Variants in FANCL observed in about 807,000 individuals in gnomAD.
FANCL encodes the protein E3 ubiquitin-protein ligase FANCL.
A neutral mutation model predicts 59.4 loss-of-function variants in FANCL; 69 were observed. That is an observed-to-expected ratio of 1.16 (90% CI 0.96 to 1.42). The LOEUF is 1.42. Ranked by LOEUF, FANCL falls within the 40% of genes most tolerant of loss-of-function variation. The pLI, the probability that FANCL is intolerant of heterozygous loss-of-function variation, is 0.00. For synonymous variants in FANCL, 180 were observed against 147.1 expected, an observed-to-expected ratio of 1.22 and a Z score of -1.62; for missense variants, 519 against 447.2, an observed-to-expected ratio of 1.16 and a Z score of -1.45.
At chr2:58,210,332 A>G (rs1691006891) in intron 5 of FANCL, among the ~76,000 whole-genome samples, 1 of 152,192 alleles carries the variant, frequency 6.6e-6, no homozygotes, top group East Asian at 1.9e-4. Context: ...AGACAGAATA[A>G]GGAAGATGCA....
At chr2:58,216,570 T>G (rs1691743748) in intron 5 of FANCL, among the ~76,000 whole-genome samples, 1 of 152,192 alleles carries the variant, frequency 6.6e-6, no homozygotes, top group Non-Finnish European at 1.5e-5. Context: ...GATTTTACAT[T>G]TTTTGTTACA....
At chr2:58,235,897 GA>G (rs1179639629) in intron 1 of FANCL, among the ~76,000 whole-genome samples, 2 of 151,666 alleles carry the variant, frequency 1.3e-5, no homozygotes, top group African/African-American at 4.8e-5. Flanking sequence ...CCTTACAAAA[GA>G]AGGTATTAGT....
chr2:58,186,537 A>T (rs187908443), intron 7 of FANCL, among the ~76,000 whole-genome samples: 2 of 152,208 alleles, frequency 1.3e-5, no homozygotes, highest in East Asian at 3.8e-4. Flanking sequence ...ATTGTAGTCA[A>T]TGGTAGCTAT....
At chr2:58,194,524 A>G (rs6709203) in intron 7 of FANCL, among the ~76,000 whole-genome samples, 3,006 of 152,272 alleles carry the variant, frequency 0.02, 114 homozygotes, top group African/African-American at 0.069. Flanking sequence ...AAATATCTAG[A>G]AAGAGGTGCT....
At chr2:58,215,907 A>C (rs1193742978) in intron 5 of FANCL, among the ~76,000 whole-genome samples, 3 of 151,902 alleles carry the variant, frequency 2.0e-5, no homozygotes, top group Non-Finnish European at 4.4e-5. Flanking sequence ...AATGAAAAAC[A>C]AGATTTAGAA....
intron 5 of FANCL, among the ~76,000 whole-genome samples, chr2:58,205,653 T>G (rs1573705852): frequency 6.6e-6 from 1 of 152,130 alleles, no homozygotes; most frequent in East Asian, 1.9e-4. Flanking sequence ...AGGAATAGTA[T>G]TAATTGAAGC....
At chr2:58,161,768 G>GA in intron 11 of FANCL, 130 bp from the exon 12 acceptor site, 1 of 666,704 alleles carries the variant, frequency 1.5e-6, no homozygotes, top group Non-Finnish European at 2.7e-6. Flanking sequence ...GGATAATTAA[G>GA]ATATTCATCA....
rs905229004 is a variant in FANCL, at chr2:58,214,172, T to C, written c.374+7770A>G. Among the ~76,000 whole-genome samples the C allele has an allele frequency of 2.6e-5, 4 of 152,098 alleles. No homozygotes were observed. The East Asian group carries it at 7.7e-4, about 29-fold the overall frequency. ...AAACAACAGTCCCAGTATGTAACAA[T>C]CTTAGTGAAAAAAGGAGGCAATTAT... On this transcript the variant is annotated intron_variant, in intron 5 of 13. Coordinates refer to ENST00000233741, the MANE Select transcript of FANCL (RefSeq NM_018062.4).
intron 7 of FANCL, among the ~76,000 whole-genome samples, chr2:58,173,326 C>T (rs1190213147): frequency 1.3e-5 from 2 of 152,108 alleles, no homozygotes; most frequent in Non-Finnish European, 1.5e-5. Flanking sequence ...CTCCAAGACA[C>T]ATAATTGTCA....
chr2:58,188,630 G>A (rs1351022410), intron 7 of FANCL, among the ~76,000 whole-genome samples: 2 of 151,754 alleles, frequency 1.3e-5, no homozygotes, highest in South Asian at 2.1e-4. Flanking sequence ...TTGTAGAGAC[G>A]AGGTTTCACC....
intron 5 of FANCL, among the ~76,000 whole-genome samples, chr2:58,207,926 G>C (rs1690754327): frequency 1.3e-5 from 2 of 152,132 alleles, no homozygotes; most frequent in Admixed American, 1.3e-4. Flanking sequence ...CGTCATGGTG[G>C]CGTGCACCTG....
chr2:58,218,185 C>T (rs763515392), intron 5 of FANCL, among the ~76,000 whole-genome samples: 65 of 151,894 alleles, frequency 4.3e-4, no homozygotes, highest in Admixed American at 3.3e-4. Context: ...TACAAATTTA[C>T]AGCCTTAAAT....
At position 58,159,384 on chromosome 2, in the gene FANCL, T is replaced by C; in HGVS notation, c.*381A>G. 6.2e-7 allele frequency: 1 copy of C among 1,612,498 alleles called. No homozygotes were observed. ...GGAGAAGACAGAAATATCAAGAGTC[T>C]CAAGAACCTTTGAATGAAGTAAACA... is the stretch of plus-strand genomic sequence containing the variant. On this transcript the variant is annotated 3_prime_UTR_variant, in exon 14 of 14. Coordinates refer to ENST00000233741, the MANE Select transcript of FANCL (RefSeq NM_018062.4).
In FANCL at chr2:58,162,875, C is replaced by A. The variant is rs373364584; in HGVS notation, c.894G>T (p.Leu298=). The change falls in exon 11 of 14, where the codon CTG becomes CTT. Residue 298 remains leucine, a synonymous_variant. Coordinates refer to ENST00000233741, the MANE Select transcript of FANCL (RefSeq NM_018062.4). ...LEIDFPARAI[L]EKSDFTMDCG... ...CACTGATAAAACTTACAGATTTTTCCAGGATAGCACGAGCTGGAAAATCAA... is the reference window on the plus strand; with the variant it reads ...CACTGATAAAACTTACAGATTTTTCAAGGATAGCACGAGCTGGAAAATCAA... 22 of 1,611,728 alleles carry A rather than the reference C, an allele frequency of 1.4e-5. No individual in the cohort carries two copies. The highest frequency in any genetic ancestry group is 1.8e-5 in the Non-Finnish European group (21 of 1,178,582).
intron 7 of FANCL, among the ~76,000 whole-genome samples, chr2:58,182,961 G>A (rs1415014387): frequency 6.6e-6 from 1 of 151,704 alleles, no homozygotes; most frequent in Non-Finnish European, 1.5e-5. Flanking sequence ...TTTGTAATAC[G>A]GAAATAGTGT....
rs864622189 is a variant in FANCL at position 58,163,516 on chromosome 2, A to G, written c.693T>C (p.Gly231=). The part of the protein sequence containing the change: ...RSATARRIAL[G]NNVSINIEVD... ...CCTCTATATTTATGGAAACATTATT[A>G]CCTAGAATGAAACAAGATTAAATCT... is the stretch of plus-strand genomic sequence containing the variant. Residue 231 remains glycine, a splice_region_variant and synonymous_variant, in exon 9 of 14, where the codon GGT becomes GGC. Coordinates refer to ENST00000233741, the MANE Select transcript of FANCL (RefSeq NM_018062.4). 1 of 1,571,680 alleles carries G rather than the reference A, an allele frequency of 6.4e-7. No individual in the cohort carries two copies. The highest frequency in any genetic ancestry group is 8.8e-7 in the Non-Finnish European group (1 of 1,141,926).
At chr2:58,191,397 A>G (rs1320538502) in intron 7 of FANCL, among the ~76,000 whole-genome samples, 1 of 151,900 alleles carries the variant, frequency 6.6e-6, no homozygotes, top group African/African-American at 2.4e-5. Flanking sequence ...ACTCCAAACC[A>G]TAACATTAAG....
intron 7 of FANCL, among the ~76,000 whole-genome samples, chr2:58,181,491 T>C (rs1401746900): frequency 6.6e-6 from 1 of 152,008 alleles, no homozygotes. Context: ...ACTTAAGATT[T>C]ATGCACTTTA....
chr2:58,215,159 C>T (rs554568131), intron 5 of FANCL, among the ~76,000 whole-genome samples: 2 of 152,242 alleles, frequency 1.3e-5, no homozygotes, highest in African/African-American at 4.8e-5. Context: ...CAATCTATAC[C>T]TAAAGAATGA....
Sources: gnomAD v4.1 joint callset for allele counts (sites outside exome capture counted in the v4.1 genomes callset) on GRCh38, gnomAD v4.1.1 for gene constraint, MANE v1.5 for transcripts, NCBI Gene and HGNC (gene_info 2026-07-23, HGNC 2026-07-21) for gene names.